AATK: variants seen among roughly 807,000 people sequenced by gnomAD.
AATK encodes serine/threonine-protein kinase LMTK1.
In AATK, 91 loss-of-function variants were observed where a neutral mutation model predicts 114.3. The observed-to-expected ratio is 0.80, with a 90% CI of 0.67 to 0.95. AATK has a LOEUF of 0.95. Ranked by LOEUF, AATK falls within the 40% of genes least tolerant of loss-of-function variation. The pLI, the probability that AATK is intolerant of heterozygous loss-of-function variation, is 0.00. For missense variants in AATK, 2,176 were observed against 1,965.2 expected (o/e 1.11, Z -2.03); for synonymous variants, 1,075 against 916.5 (o/e 1.17, Z -3.12).
At chr17:81,161,867 G>A (rs1235943931) in intron 1 of AATK, among the ~76,000 whole-genome samples, 1 of 152,126 alleles carries the variant, frequency 6.6e-6, no homozygotes, top group Non-Finnish European at 1.5e-5. Context: ...AGACCTTCCA[G>A]CATGTTCCAC....
chr17:81,157,374 C>T (rs893374715), intron 1 of AATK, among the ~76,000 whole-genome samples: 9 of 152,188 alleles, frequency 5.9e-5, no homozygotes, highest in African/African-American at 1.2e-4. Flanking sequence ...TGCTCATAGA[C>T]GCACACGTAC....
intron 1 of AATK, among the ~76,000 whole-genome samples, chr17:81,158,973 G>A (rs2061399302): frequency 1.3e-5 from 2 of 152,318 alleles, no homozygotes; most frequent in South Asian, 4.1e-4. Flanking sequence ...GGCCCAAAGA[G>A]GACAAGGCCA....
At chr17:81,138,113 CACAG>C (rs1480341468) in intron 1 of AATK, among the ~76,000 whole-genome samples, 5 of 149,912 alleles carry the variant, frequency 3.3e-5, no homozygotes, top group African/African-American at 7.4e-5. Flanking sequence ...TACGTGTGCA[CACAG>C]ACATACCCCA....
chr17:81,121,585 G>A lies in AATK; in HGVS notation c.2351C>T (p.Thr784Met), dbSNP rs764934482. 2.0e-5 allele frequency: 30 copies of A among 1,508,088 alleles called. No homozygotes were observed. The highest frequency in any genetic ancestry group is 2.7e-5 in the South Asian group (2 of 75,188). The allele number at this position is 1,508,088 out of a possible 1,614,324, so 93.4% of individuals were successfully genotyped here. A position where few individuals can be genotyped will look rare whatever the true frequency, so the allele number is the denominator to read the frequency against. The change falls in exon 11 of 14, where the codon ACG (threonine) becomes ATG (methionine). Residue 784 changes from threonine (T) to methionine (M), a missense_variant. Around this residue, in one of 4 missense-constraint regions of AATK, gnomAD observed 1,701 missense variants for 1,394.7 expected, o/e 1.22. Coordinates refer to ENST00000326724, the MANE Select transcript of AATK (RefSeq NM_001080395.3). The stretch of plus-strand genomic sequence containing the variant: ...GGGTCCGGTAGTGCCCTCAGCCTCC[G>A]TGGCAAGCTTGGGCTCTGCCTGCGG... ...DHPQAEPKLA[T>M]EAEGTTGPRL...
At chr17:81,128,349 G>C in intron 4 of AATK, 121 bp downstream of exon 4, 1 of 1,245,124 alleles carries the variant, frequency 8.0e-7, no homozygotes, top group African/African-American at 1.5e-5. Flanking sequence ...GGTCCAGCAG[G>C]GCCCAGAGAC....
At position 81,117,631 on chromosome 17, in the gene AATK, C is replaced by G. The variant is rs993343689; in HGVS notation, c.*771G>C. On this transcript the variant is annotated 3_prime_UTR_variant, in exon 14 of 14. Coordinates refer to ENST00000326724, the MANE Select transcript of AATK (RefSeq NM_001080395.3). ...CTGGGGCACAGGACCAGATACTGCC[C>G]CACAGAGGGGAGCTGCCTGCACGGT... The G allele has an allele frequency of 6.6e-6, 1 of 152,290 alleles. No homozygotes were observed. The highest frequency in any genetic ancestry group is 1.5e-5 in the Non-Finnish European group (1 of 68,118). The allele number at this position is 152,290 out of a possible 1,614,324, so 9.4% of individuals were successfully genotyped here. A position where few individuals can be genotyped will look rare whatever the true frequency, so the allele number is the denominator to read the frequency against.
At position 81,126,020 on chromosome 17, in the gene AATK, G is replaced by A. The variant is rs1000140085; in HGVS notation, c.755+407C>T. The A allele has an allele frequency of 3.8e-5, 18 of 478,030 alleles. No homozygotes were observed. Among genetic ancestry groups the A allele is most frequent in the African/African-American group, 2.6e-4 (13 of 50,362 alleles). 29.6% of individuals were successfully genotyped at this position (478,030 alleles called of 1,614,324 possible). A position where few individuals can be genotyped will look rare whatever the true frequency, so the allele number is the denominator to read the frequency against. On this transcript the variant is annotated intron_variant, in intron 7 of 13. Transcript: ENST00000326724. The surrounding 1 kb of genome is among the most constrained non-coding windows in gnomAD (Gnocchi z 5.1). ...GCCACTTCTTCCAGCATGTCCCCCCGGGGTCCCCAGGGGCTGGGCATCCTG... is the reference window on the plus strand; with the variant it reads ...GCCACTTCTTCCAGCATGTCCCCCCAGGGTCCCCAGGGGCTGGGCATCCTG...
At chr17:81,155,379 CTAT>C (rs1298614317) in intron 1 of AATK, among the ~76,000 whole-genome samples, 1 of 118,042 alleles carries the variant, frequency 8.5e-6, no homozygotes, top group Non-Finnish European at 1.8e-5. Context: ...TACATTTTAC[CTAT>C]TATTATTATT....
At chr17:81,125,273 G>C (rs1164570335) in intron 7 of AATK, 1 of 754,088 alleles carries the variant, frequency 1.3e-6, no homozygotes, top group South Asian at 1.4e-5. Flanking sequence ...AAATGTTACA[G>C]TGCAGAGGAG....
Position 81,126,598 on chromosome 17 carries a change from G to A in AATK, c.622-38C>T. 2.0e-6 allele frequency: 3 copies of A among 1,521,658 alleles called. No individual in the cohort carries two copies. Among genetic ancestry groups the A allele is most frequent in the Non-Finnish European group, 2.7e-6 (3 of 1,126,158 alleles). 94.3% of individuals were successfully genotyped at this position (1,521,658 alleles called of 1,614,324 possible). On this transcript the variant is annotated intron_variant, in intron 6 of 13. Coordinates refer to ENST00000326724, the MANE Select transcript of AATK (RefSeq NM_001080395.3). The surrounding 1 kb of genome is among the most constrained non-coding windows in gnomAD (Gnocchi z 5.1). Reference sequence around the variant, plus strand: ...GGTGTGGCGCAGTCACCAGCAGGCTGGGGGCTGGCCACCCTGGGAGGTCCC... The same window carrying A: ...GGTGTGGCGCAGTCACCAGCAGGCTAGGGGCTGGCCACCCTGGGAGGTCCC...
chr17:81,118,430 C>T lies in AATK; in HGVS notation c.4097G>A (p.Gly1366Asp). 1.9e-6 allele frequency: 3 copies of T among 1,608,654 alleles called. No individual in the cohort carries two copies. The highest frequency in any genetic ancestry group is 2.5e-6 in the Non-Finnish European group (3 of 1,178,190). ...AGCCTCTTTACTCTCACCCCCGGCA[C>T]CAGCTTCAGGTCCTGGCAAGCAGGA... Reference protein sequence around the residue: ...DAESKRGPEAGAGGESKEA With the variant: ...DAESKRGPEADAGGESKEA The change falls in exon 14 of 14, where the codon GGT becomes GAT. Residue 1366 changes from glycine (G) to aspartate (D), a missense_variant. Coordinates refer to ENST00000326724, the MANE Select transcript of AATK (RefSeq NM_001080395.3).
In AATK at chr17:81,120,621, C is replaced by T. The variant is rs752580771; in HGVS notation, c.3315G>A (p.Pro1105=). ...PSCSQFFLLT[P]VPLRSEGNSS... ...TGTTGCCTTCTGATCTCAGCGGAAC[C>T]GGGGTCAGCAGGAAAAACTGGGAGC... The change falls in exon 11 of 14, where the codon CCG becomes CCA. Residue 1105 remains proline (P), a synonymous_variant. Transcript: ENST00000326724. The T allele has an allele frequency of 1.2e-5, 18 of 1,547,634 alleles. No individual in the cohort carries two copies. Among genetic ancestry groups the T allele is most frequent in the South Asian group, 3.7e-5 (3 of 81,338 alleles).
intron 13 of AATK, 113 bp downstream of exon 13, chr17:81,119,267 G>GGAGCT: frequency 2.8e-6 from 3 of 1,054,850 alleles, no homozygotes; most frequent in African/African-American, 2.3e-5. Context: ...GGAGCGGAGC[G>GGAGCT]GAGCGGAGCC....
intron 9 of AATK, among the ~76,000 whole-genome samples, chr17:81,123,985 C>T (rs1224774037): frequency 5.9e-5 from 9 of 152,126 alleles, no homozygotes; most frequent in African/African-American, 1.7e-4. Context: ...CCCCAGCCAG[C>T]GTGCAGTGGG....
At chr17:81,141,953 T>TTCCC (rs1555597586) in intron 1 of AATK, among the ~76,000 whole-genome samples, 3 of 126,058 alleles carry the variant, frequency 2.4e-5, no homozygotes, top group African/African-American at 9.6e-5. Context: ...CCTTCCTTCC[T>TTCCC]TTCCTTCCTT....
chr17:81,118,999 C>G (rs927519222), intron 13 of AATK, among the ~76,000 whole-genome samples: 23 of 152,198 alleles, frequency 1.5e-4, no homozygotes, highest in African/African-American at 4.8e-4. Context: ...AGGGCTCCAC[C>G]TGGGCACCGT....
chr17:81,163,217 GC>G (rs1161532766), intron 1 of AATK, among the ~76,000 whole-genome samples: 1 of 152,158 alleles, frequency 6.6e-6, no homozygotes. Context: ...ACAGCTCCAG[GC>G]CCCAGGGCTC....
chr17:81,121,426 G>T lies in AATK; in HGVS notation c.2510C>A (p.Ala837Asp). ...PTPATGGEVS[A>D]IKLASALNGS... The stretch of plus-strand genomic sequence containing the variant: ...ATTCAGGGCAGAAGCCAGCTTGATG[G>T]CAGACACCTCGCCACCAGTAGCAGG... The change falls in exon 11 of 14, where the codon GCC (alanine) becomes GAC (aspartate). Residue 837 changes from alanine (A) to aspartate (D), a missense_variant. By Grantham distance (126) the Ala-to-Asp change is moderately radical (BLOSUM62 -2). This residue lies in a region of AATK where 1,701 missense variants were observed against 1,394.7 expected (regional missense o/e 1.22). Transcript: ENST00000326724. The T allele has an allele frequency of 6.2e-7, 1 of 1,604,584 alleles. No homozygotes were observed. The highest frequency in any genetic ancestry group is 1.3e-5 in the African/African-American group (1 of 74,718).
chr17:81,161,153 G>A (rs910198372), intron 1 of AATK, among the ~76,000 whole-genome samples: 3 of 152,204 alleles, frequency 2.0e-5, no homozygotes, highest in African/African-American at 7.2e-5. Flanking sequence ...GGGACCACGG[G>A]CTGCTGGCCC....
Sources: gnomAD v4.1 joint callset for allele counts (sites outside exome capture counted in the v4.1 genomes callset) on GRCh38, gnomAD v4.1.1 for gene constraint, gnomAD v4.1.1 regional missense constraint, Gnocchi (gnomAD v3.1) non-coding constraint, MANE v1.5 for transcripts, NCBI Gene and HGNC (gene_info 2026-07-23, HGNC 2026-07-21) for gene names.